The following ARMCX4 variants were observed in gnomAD, a reference collection of about 807,000 sequenced individuals.
ARMCX4 encodes the protein armadillo repeat containing X-linked 4.
Under a neutral mutation model 34.7 loss-of-function variants are expected in ARMCX4, and 3 were observed. That is an observed-to-expected ratio of 0.09 (90% CI 0.04 to 0.22). The LOEUF (loss-of-function observed/expected upper bound fraction) is 0.22. Among genes scored for constraint, ARMCX4 ranks in the 10% least tolerant of loss-of-function variants. The pLI is 1.00. For missense variants in ARMCX4, 1,448 were observed against 1,720.8 expected (o/e 0.84, Z 2.81); for synonymous variants, 513 against 632.8 (o/e 0.81, Z 2.84).
intron 11 of ARMCX4, among the ~76,000 whole-genome samples, chrX:101,513,996 T>C (rs1410734579): frequency 9.0e-6 from 1 of 111,206 alleles, no homozygotes; most frequent in African/African-American, 3.3e-5. Context: ...CTTACTTCCA[T>C]TGTGGAATAG....
chrX:101,474,489 T>A (rs1221656354), intron 4 of ARMCX4, among the ~76,000 whole-genome samples: 15 of 103,452 alleles, frequency 1.4e-4, no homozygotes, highest in African/African-American at 2.8e-4. Context: ...TACCAAAGCC[T>A]GGCAGAGACA....
Position 101,489,760 on chromosome X carries a change from A to G in ARMCX4, c.1171A>G (p.Ile391Val). The G allele has an allele frequency of 8.7e-7, 1 of 1,155,173 alleles. No individual in the cohort carries two copies. Among genetic ancestry groups the G allele is most frequent in the Non-Finnish European group, 1.1e-6 (1 of 872,645 alleles). Residue 391 changes from isoleucine to valine, a missense_variant, in exon 6 of 6, where the codon ATA becomes GTA. Coordinates refer to ENST00000423738, the MANE Select transcript of ARMCX4 (RefSeq NM_001256155.3). ...RGNTNVISKAITGADMRAAAQ... is the reference protein window; with the variant it reads ...RGNTNVISKAVTGADMRAAAQ... Reference sequence around the variant, plus strand: ...AAATACCAATGTCATATCTAAGGCAATAACTGGAGCTGACATGAGAGCTGC... The same window carrying G: ...AAATACCAATGTCATATCTAAGGCAGTAACTGGAGCTGACATGAGAGCTGC...
At chrX:101,519,491 A>G (rs1427180865) in intron 11 of ARMCX4, among the ~76,000 whole-genome samples, 1 of 111,658 alleles carries the variant, frequency 9.0e-6, no homozygotes, top group East Asian at 2.8e-4. Context: ...CATAGGCACA[A>G]GGGCAGAATT....
At position 101,493,276 on chromosome X, in the gene ARMCX4, G is replaced by A; in HGVS notation, c.4687G>A (p.Gly1563Arg). The A allele has an allele frequency of 8.6e-7, 1 of 1,156,302 alleles. No homozygotes were observed. Among genetic ancestry groups the A allele is most frequent in the Non-Finnish European group, 1.1e-6 (1 of 873,005 alleles). Reference sequence around the variant, plus strand: ...CAGTGGAAGCTGCTGGACTGGGGCTGGGGCTGTGGATCAGGCTGGTGGTTG... The same window carrying A: ...CAGTGGAAGCTGCTGGACTGGGGCTAGGGCTGTGGATCAGGCTGGTGGTTG... ...QVSGSCWTGA[G>R]AVDQAGGCSK... The change falls in exon 6 of 6, where the codon GGG becomes AGG. Residue 1563 changes from glycine to arginine, a missense_variant. Around this residue, in one of 2 missense-constraint regions of ARMCX4, gnomAD observed 1,343 missense variants for 1,540.7 expected, o/e 0.87. Transcript: ENST00000423738.
At chrX:101,436,603 G>A (rs1294675333) in intron 2 of ARMCX4, among the ~76,000 whole-genome samples, 4 of 111,579 alleles carry the variant, frequency 3.6e-5, no homozygotes, top group African/African-American at 1.3e-4. Flanking sequence ...GGGACAATTT[G>A]ACTTCCTCTT....
At chrX:101,425,439 G>A (rs1407446913) in intron 2 of ARMCX4, among the ~76,000 whole-genome samples, 1 of 104,636 alleles carries the variant, frequency 9.6e-6, no homozygotes, top group African/African-American at 3.6e-5. Flanking sequence ...TGTTGCCCAA[G>A]CTGGAGTGCA....
chrX:101,441,591 TAC>T (rs10631945), intron 2 of ARMCX4, among the ~76,000 whole-genome samples: 2 of 104,694 alleles, frequency 1.9e-5, no homozygotes, highest in Non-Finnish European at 3.9e-5. Context: ...TATACATACA[TAC>T]ACACACACAC....
chrX:101,502,207 A>T (rs1178147921), intron 7 of ARMCX4, among the ~76,000 whole-genome samples: 2 of 111,937 alleles, frequency 1.8e-5, no homozygotes, highest in African/African-American at 3.2e-5. Context: ...CCAAGGTATA[A>T]GGTTGAGTAG....
At position 101,493,853 on chromosome X, in the gene ARMCX4, T is replaced by C. The variant is rs1556010573; in HGVS notation, c.5264T>C (p.Ile1755Thr). The C allele has an allele frequency of 8.7e-7, 1 of 1,151,816 alleles. No homozygotes were observed. The highest frequency in any genetic ancestry group is 1.1e-6 in the Non-Finnish European group (1 of 871,795). 94.9% of individuals were successfully genotyped at this position (1,151,816 alleles called of 1,213,427 possible). A position where few individuals can be genotyped will look rare whatever the true frequency, so the allele number is the denominator to read the frequency against. The change falls in exon 6 of 6, where the codon ATT (isoleucine) becomes ACT (threonine). Residue 1755 changes from isoleucine (I) to threonine (T), a missense_variant. Coordinates refer to ENST00000423738, the MANE Select transcript of ARMCX4 (RefSeq NM_001256155.3). ...TGCTGGACAGAGGAAAAAGCTGATA[T>C]TGTGTCCAGGCCTGATGATAAAGAT... The part of the protein sequence containing the change: ...SWCWTEEKAD[I>T]VSRPDDKDEA...
At chrX:101,505,486 C>T (rs1459671506) in intron 8 of ARMCX4, 1 of 111,406 alleles carries the variant, frequency 9.0e-6, no homozygotes, top group Non-Finnish European at 1.9e-5. Context: ...AGGTATGGGT[C>T]TAGAGCTCAG....
At position 101,487,613 on chromosome X, in the gene ARMCX4, C is replaced by T; in HGVS notation, c.-281C>T. The T allele has an allele frequency of 2.1e-6, 2 of 959,026 alleles. No individual in the cohort carries two copies. Among genetic ancestry groups the T allele is most frequent in the Non-Finnish European group, 2.7e-6 (2 of 745,128 alleles). 79.0% of individuals were successfully genotyped at this position (959,026 alleles called of 1,213,427 possible). ...GTTTGTTTACTTGTCCATAGATCTG[C>T]CTGCATGTCTGCTGCAGGGCTTAAG... On this transcript the variant is annotated 5_prime_UTR_variant, in exon 4 of 6. Coordinates refer to ENST00000423738, the MANE Select transcript of ARMCX4 (RefSeq NM_001256155.3).
chrX:101,455,579 ATCT>A (rs782622913), intron 4 of ARMCX4, among the ~76,000 whole-genome samples: 409 of 112,240 alleles, frequency 3.6e-3, no homozygotes, highest in African/African-American at 0.012. Context: ...CACAATGTGC[ATCT>A]TAACAAAGGC....
intron 4 of ARMCX4, among the ~76,000 whole-genome samples, chrX:101,476,223 G>T (rs1349027718): frequency 9.2e-6 from 1 of 108,131 alleles, no homozygotes; most frequent in Non-Finnish European, 1.9e-5. Flanking sequence ...CCTGTTTCAG[G>T]TACTGGAAAT....
At chrX:101,523,836 T>C (rs1934905399) in intron 11 of ARMCX4, among the ~76,000 whole-genome samples, 1 of 112,508 alleles carries the variant, frequency 8.9e-6, no homozygotes, top group Non-Finnish European at 1.9e-5. Flanking sequence ...TACTTGACTT[T>C]ATAAAGCAAC....
intron 11 of ARMCX4, among the ~76,000 whole-genome samples, chrX:101,516,103 A>T (rs1301187374): frequency 8.9e-6 from 1 of 112,053 alleles, no homozygotes; most frequent in Non-Finnish European, 1.9e-5. Flanking sequence ...ATTTTAAATT[A>T]GAAGTATGGG....
Position 101,485,542 on chromosome X carries a change from G to A in ARMCX4, c.-437+12G>A. 2.2e-6 allele frequency: 1 copy of A among 448,880 alleles called. No homozygotes were observed. The highest frequency in any genetic ancestry group is 2.8e-6 in the Non-Finnish European group (1 of 360,532). 37.0% of individuals were successfully genotyped at this position (448,880 alleles called of 1,213,427 possible). On this transcript the variant is annotated intron_variant, in intron 1 of 5. Coordinates refer to ENST00000423738, the MANE Select transcript of ARMCX4 (RefSeq NM_001256155.3). ...GGAAAGCGGAGCAGGTAAGGGCCCT[G>A]GGGCCCGCGCGCCCTGGCCAGGCCG...
intron 2 of ARMCX4, among the ~76,000 whole-genome samples, chrX:101,429,853 C>A (rs1929885301): frequency 9.0e-6 from 1 of 111,416 alleles, no homozygotes; most frequent in African/African-American, 3.3e-5. Context: ...TGCAATATGA[C>A]TTTTAAATCT....
At chrX:101,438,832 C>T (rs1228091885) in intron 2 of ARMCX4, among the ~76,000 whole-genome samples, 1 of 110,992 alleles carries the variant, frequency 9.0e-6, no homozygotes, top group East Asian at 2.8e-4. Flanking sequence ...GGTAGATCTT[C>T]CTCCATCCCT....
rs946648690 is a variant in ARMCX4, at chrX:101,475,429, A to C, written c.-472-10594A>C. The stretch of plus-strand genomic sequence containing the variant: ...GAATGCATAACCTCCAAACCACTAT[A>C]GGTAAAATAAATTGATCTAACACAA... On this transcript the variant is annotated intron_variant and NMD_transcript_variant, in intron 4 of 15. Coordinates refer to the ARMCX4 transcript ENST00000433011. Among the ~76,000 whole-genome samples the C allele has an allele frequency of 1.6e-4, 18 of 111,782 alleles. No homozygotes were observed. The East Asian group carries it at 4.7e-3, about 29-fold the overall frequency.
Sources: allele counts gnomAD v4.1 joint callset (sites outside exome capture counted in the v4.1 genomes callset), GRCh38; gene constraint gnomAD v4.1.1; regional missense constraint gnomAD v4.1.1; transcripts MANE v1.5; gene names NCBI Gene and HGNC (gene_info 2026-07-23, HGNC 2026-07-21).